Variants in TAFA1 observed in about 807,000 individuals in gnomAD.
TAFA1 encodes the protein TAFA chemokine like family member 1.
TAFA1 carries 4 observed loss-of-function variants against 18.5 expected under a neutral mutation model. That is an observed-to-expected ratio of 0.22 (90% confidence interval 0.11 to 0.49). The LOEUF (loss-of-function observed/expected upper bound fraction) is 0.49. TAFA1 is among the 20% of genes least tolerant of loss of function. The pLI, the probability that TAFA1 is intolerant of heterozygous loss-of-function variation, is 0.98. For synonymous variants in TAFA1, 56 were observed against 55.2 expected, an observed-to-expected ratio of 1.01 and a Z score of -0.06; for missense variants, 147 against 169.0, an observed-to-expected ratio of 0.87 and a Z score of 0.72.
chr3:68,294,639 CTT>C (rs1255311223), intron 2 of TAFA1, among the ~76,000 whole-genome samples: 1 of 152,126 alleles, frequency 6.6e-6, no homozygotes, highest in Non-Finnish European at 1.5e-5. Context: ...AATCTCAGCA[CTT>C]TGGGAGGCTG....
chr3:68,440,136 A>T (rs868196968), intron 3 of TAFA1, among the ~76,000 whole-genome samples: 10 of 151,974 alleles, frequency 6.6e-5, no homozygotes, highest in Admixed American at 2.0e-4. Flanking sequence ...ATGGGGGCAG[A>T]TCTTTCCTGC....
chr3:68,176,994 C>T (rs937761379), intron 2 of TAFA1, among the ~76,000 whole-genome samples: 7 of 152,094 alleles, frequency 4.6e-5, no homozygotes, highest in African/African-American at 1.4e-4. Flanking sequence ...GTTTTATAGA[C>T]TGGTGATCAT....
intron 2 of TAFA1, among the ~76,000 whole-genome samples, chr3:68,029,677 TA>T (rs1433786125): frequency 6.6e-6 from 1 of 152,238 alleles, no homozygotes; most frequent in East Asian, 1.9e-4. Flanking sequence ...GCATATGAAC[TA>T]TAATACATAA....
chr3:68,162,094 A>G (rs1414770633), intron 2 of TAFA1, among the ~76,000 whole-genome samples: 1 of 152,150 alleles, frequency 6.6e-6, no homozygotes, highest in Non-Finnish European at 1.5e-5. Context: ...GCTGGCCTAG[A>G]AGCAATAGAT....
At chr3:67,993,100 C>T in the TAFA1 span, among the ~76,000 whole-genome samples, 1 of 152,220 alleles carries the variant, frequency 6.6e-6, no homozygotes. Context: ...AAGCTCTTTT[C>T]TCCTACACAT....
At chr3:68,185,372 T>C (rs1194336101) in intron 2 of TAFA1, among the ~76,000 whole-genome samples, 1 of 152,018 alleles carries the variant, frequency 6.6e-6, no homozygotes, top group Non-Finnish European at 1.5e-5. Context: ...GTTTGTGGTA[T>C]GTAAGGAGGT....
intron 2 of TAFA1, among the ~76,000 whole-genome samples, chr3:68,358,214 A>C (rs1575802631): frequency 1.3e-5 from 2 of 151,926 alleles, no homozygotes; most frequent in African/African-American, 4.8e-5. Flanking sequence ...CATAATTTTG[A>C]ATTGTTTTTA....
chr3:68,317,300 C>T (rs933546598), intron 2 of TAFA1, among the ~76,000 whole-genome samples: 1 of 152,156 alleles, frequency 6.6e-6, no homozygotes, highest in African/African-American at 2.4e-5. Flanking sequence ...TAACAGACAA[C>T]TCCTATCTCA....
intron 2 of TAFA1, among the ~76,000 whole-genome samples, chr3:68,048,055 A>G (rs78984396): frequency 0.062 from 9,440 of 152,170 alleles, 432 homozygotes; most frequent in South Asian, 0.16. Flanking sequence ...TCATGGAATC[A>G]TGAAGGTAAC....
In TAFA1 at chr3:68,026,109, A is replaced by G. The variant is rs546279542; in HGVS notation, c.118+19365A>G. Among the ~76,000 whole-genome samples the G allele has an allele frequency of 3.3e-5, 5 of 152,268 alleles. No individual in the cohort carries two copies. The East Asian group carries it at 9.6e-4, about 29-fold the overall frequency. On this transcript the variant is annotated intron_variant, in intron 2 of 4. Coordinates refer to ENST00000478136, the MANE Select transcript of TAFA1 (RefSeq NM_213609.4). ...TTCCTTTTATTTCCTATCAAATCTA[A>G]CGTAAGTATTTACATAATTCCTCCA...
chr3:68,436,252 CTTA>C (rs1227121249), intron 3 of TAFA1, among the ~76,000 whole-genome samples: 1 of 152,178 alleles, frequency 6.6e-6, no homozygotes, highest in Non-Finnish European at 1.5e-5. Flanking sequence ...GAATTCAACT[CTTA>C]TGCCCTGCCC....
intron 2 of TAFA1, among the ~76,000 whole-genome samples, chr3:68,053,579 T>G (rs1367025807): frequency 1.3e-5 from 2 of 152,162 alleles, no homozygotes; most frequent in Non-Finnish European, 2.9e-5. Flanking sequence ...GCTCTTCATT[T>G]TGATAACATT....
chr3:68,343,627 A>G, intron 2 of TAFA1, among the ~76,000 whole-genome samples: 1 of 152,142 alleles, frequency 6.6e-6, no homozygotes, highest in East Asian at 1.9e-4. Flanking sequence ...GATACTTGAG[A>G]TCTGTTGGGC....
chr3:68,475,506 T>C (rs1258994049), intron 3 of TAFA1, among the ~76,000 whole-genome samples: 1 of 152,224 alleles, frequency 6.6e-6, no homozygotes, highest in Admixed American at 6.5e-5. Context: ...TTTTTATGGC[T>C]GCGTAGTATT....
chr3:68,156,312 G>A (rs576267881), intron 2 of TAFA1, among the ~76,000 whole-genome samples: 7 of 152,300 alleles, frequency 4.6e-5, no homozygotes, highest in Middle Eastern at 6.8e-3. Flanking sequence ...AAGAAGGAAT[G>A]AGGATCCAAA....
intron 3 of TAFA1, among the ~76,000 whole-genome samples, chr3:68,519,719 C>T (rs965875116): frequency 6.6e-6 from 1 of 152,084 alleles, no homozygotes; most frequent in Non-Finnish European, 1.5e-5. Flanking sequence ...CTAATTGTAT[C>T]CTCACATGGC....
chr3:68,263,238 A>G (rs938110744), intron 2 of TAFA1, among the ~76,000 whole-genome samples: 8 of 152,126 alleles, frequency 5.3e-5, no homozygotes, highest in African/African-American at 1.9e-4. Flanking sequence ...CTTCTATGGT[A>G]TAAACCAATA....
intron 2 of TAFA1, among the ~76,000 whole-genome samples, chr3:68,088,973 T>G (rs928362884): frequency 6.6e-6 from 1 of 152,110 alleles, no homozygotes; most frequent in African/African-American, 2.4e-5. Flanking sequence ...TCAATATAAC[T>G]CTACGGTTTT....
At chr3:68,003,931 G>A (rs906810903), upstream of TAFA1, among the ~76,000 whole-genome samples, 3 of 152,002 alleles carry the variant, frequency 2.0e-5, no homozygotes, top group Admixed American at 1.3e-4. Flanking sequence ...TTAATTTACT[G>A]GTAAAAAGAA....
Sources: allele counts gnomAD v4.1 joint callset (sites outside exome capture counted in the v4.1 genomes callset), GRCh38; gene constraint gnomAD v4.1.1; transcripts MANE v1.5; gene names NCBI Gene and HGNC (gene_info 2026-07-23, HGNC 2026-07-21).